Variants in DISP1 observed in about 807,000 individuals in gnomAD.
DISP1 encodes the protein dispatched RND transporter family member 1.
DISP1 carries 30 observed loss-of-function variants against 37.3 expected under a neutral mutation model. The observed-to-expected ratio is 0.80, with a 90% CI of 0.60 to 1.09. The LOEUF is 1.09. Ranked by LOEUF, DISP1 falls within the 50% of genes least tolerant of loss-of-function variation. DISP1 has a pLI of 0.00. For missense variants in DISP1, 1,598 were observed against 1,879.5 expected (o/e 0.85, Z 2.77); for synonymous variants, 634 against 690.2 (o/e 0.92, Z 1.28).
intron 1 of DISP1, among the ~76,000 whole-genome samples, chr1:222,835,642 A>C (rs1666841636): frequency 6.6e-6 from 1 of 152,192 alleles, no homozygotes; most frequent in Non-Finnish European, 1.5e-5. Context: ...ACTTTTAGGC[A>C]ACCTTAACAT....
At chr1:222,819,281 T>C (rs1240857779) in intron 1 of DISP1, among the ~76,000 whole-genome samples, 1 of 152,214 alleles carries the variant, frequency 6.6e-6, no homozygotes, top group African/African-American at 2.4e-5. Flanking sequence ...TGTGAGCCAA[T>C]TAAACCTCTT....
At chr1:222,983,228 G>A in intron 4 of DISP1, 119 bp downstream of exon 4, 1 of 865,494 alleles carries the variant, frequency 1.2e-6, no homozygotes, top group African/African-American at 1.7e-5. Flanking sequence ...TTTTATGAAA[G>A]AAAAAGAAAT....
rs534403122 is a variant in DISP1 at position 222,941,067 on chromosome 1, T to G, written c.-17-1740T>G. ...TAACAACAAAAGGGAGGTTATATTC[T>G]TCAGTAAACTGAAGCATAAATGAGC... On this transcript the variant is annotated intron_variant, in intron 2 of 8. Transcript: ENST00000675850. 2.6e-5 allele frequency among the ~76,000 whole-genome samples: 4 copies of G among 152,348 alleles called. No individual in the cohort carries two copies. The South Asian group carries it at 8.3e-4, about 32-fold the overall frequency.
At chr1:222,986,212 G>A (rs142294449) in intron 4 of DISP1, among the ~76,000 whole-genome samples, 93 of 152,218 alleles carry the variant, frequency 6.1e-4, no homozygotes, top group African/African-American at 2.2e-3. Flanking sequence ...AGCCTCTGGT[G>A]TGGGCACTGA....
At chr1:222,906,539 C>T (rs77086490) in intron 1 of DISP1, among the ~76,000 whole-genome samples, 11,946 of 152,274 alleles carry the variant, frequency 0.078, 563 homozygotes, top group East Asian at 0.24. Flanking sequence ...AAAACAGTTG[C>T]AGTAAAGAAG....
intron 1 of DISP1, among the ~76,000 whole-genome samples, chr1:222,829,421 T>G (rs1360844450): frequency 6.6e-6 from 1 of 151,964 alleles, no homozygotes; most frequent in Non-Finnish European, 1.5e-5. Flanking sequence ...AGATGGTAAC[T>G]TTACTTCATC....
At chr1:222,836,304 T>G (rs891604879) in intron 1 of DISP1, among the ~76,000 whole-genome samples, 12 of 152,220 alleles carry the variant, frequency 7.9e-5, no homozygotes, top group Non-Finnish European at 1.8e-4. Context: ...TAACATTACT[T>G]CATGAATTTT....
chr1:222,921,064 C>G (rs1316604504), intron 1 of DISP1, among the ~76,000 whole-genome samples: 1 of 152,184 alleles, frequency 6.6e-6, no homozygotes, highest in East Asian at 1.9e-4. Flanking sequence ...AATCCCAGCA[C>G]TTTGGGAGGC....
At position 223,004,462 on chromosome 1, in the gene DISP1, T is replaced by A; in HGVS notation, c.3065T>A (p.Val1022Asp). 6.2e-7 allele frequency: 1 copy of A among 1,614,254 alleles called. No individual in the cohort carries two copies. Among genetic ancestry groups the A allele is most frequent in the South Asian group, 1.1e-5 (1 of 91,080 alleles). The change falls in exon 9 of 9, where the codon GTC (valine) becomes GAC (aspartate). Residue 1022 changes from valine (V) to aspartate (D), a missense_variant. Transcript: ENST00000675850. The surrounding 1 kb of genome is among the most constrained non-coding windows in gnomAD (Gnocchi z 4.9). ...AIISIAGTIF[V>D]TVGSLVLLGW... The stretch of plus-strand genomic sequence containing the variant: ...ATTTCAATTGCTGGAACGATATTTG[T>A]CACTGTTGGTTCTCTTGTCCTGCTG...
chr1:222,887,928 AC>A (rs1238061373), intron 1 of DISP1, among the ~76,000 whole-genome samples: 5 of 152,300 alleles, frequency 3.3e-5, no homozygotes, highest in South Asian at 4.1e-4. Context: ...GCACTGCTGA[AC>A]CATTATAATT....
At chr1:222,921,216 C>T (rs924205502) in intron 1 of DISP1, among the ~76,000 whole-genome samples, 16 of 151,926 alleles carry the variant, frequency 1.1e-4, no homozygotes, top group African/African-American at 3.6e-4. Context: ...GGCTGAGGCA[C>T]GAGAATCACT....
chr1:222,981,217 TACAG>T (rs1677810448), intron 3 of DISP1, among the ~76,000 whole-genome samples: 1 of 152,242 alleles, frequency 6.6e-6, no homozygotes, highest in Non-Finnish European at 1.5e-5. Context: ...TCCTTGGTTT[TACAG>T]ACAAATACTC....
chr1:222,883,117 G>A (rs1670371520), intron 1 of DISP1, among the ~76,000 whole-genome samples: 1 of 152,058 alleles, frequency 6.6e-6, no homozygotes, highest in Non-Finnish European at 1.5e-5. Flanking sequence ...TTAAGGCTCA[G>A]ATTTGTCTGG....
intron 1 of DISP1, among the ~76,000 whole-genome samples, chr1:222,847,847 A>G (rs1341554725): frequency 3.3e-5 from 5 of 152,200 alleles, no homozygotes; most frequent in Admixed American, 6.5e-5. Context: ...GGAAGGAGCC[A>G]TGTAGAATTT....
intron 1 of DISP1, among the ~76,000 whole-genome samples, chr1:222,867,512 A>G (rs917238264): frequency 1.2e-4 from 19 of 152,284 alleles, no homozygotes; most frequent in African/African-American, 4.3e-4. Flanking sequence ...AAGGTACACA[A>G]AGGTTCTTTT....
chr1:223,004,418 C>T lies in DISP1; in HGVS notation c.3021C>T (p.Ile1007=), dbSNP rs1679727232. 1 of 1,614,204 alleles carries T rather than the reference C, an allele frequency of 6.2e-7. No individual in the cohort carries two copies. The highest frequency in any genetic ancestry group is 8.5e-7 in the Non-Finnish European group (1 of 1,180,040). ...SVMLLTTWNI[I]ISLYAIISIA... is the part of the protein sequence containing the mutation. The stretch of plus-strand genomic sequence containing the variant: ...TGCTGCTGACAACTTGGAACATCAT[C>T]ATAAGCCTTTATGCCATCATTTCAA... Residue 1007 remains isoleucine, a synonymous_variant, in exon 9 of 9, where the codon ATC becomes ATT. Transcript: ENST00000675850. This position sits in a 1 kb window ranked among gnomAD's most constrained non-coding sequence, Gnocchi z 4.9.
chr1:222,924,455 G>A (rs1013688766), intron 1 of DISP1, among the ~76,000 whole-genome samples: 2 of 152,128 alleles, frequency 1.3e-5, no homozygotes, highest in African/African-American at 4.8e-5. Flanking sequence ...GCCAGTGAGT[G>A]GTAGAGCTGA....
At chr1:222,884,094 C>G (rs1670437536) in intron 1 of DISP1, among the ~76,000 whole-genome samples, 1 of 152,138 alleles carries the variant, frequency 6.6e-6, no homozygotes, top group Non-Finnish European at 1.5e-5. Context: ...AATAAACTTC[C>G]CAAACTCCTG....
chr1:222,831,159 A>G (rs1665645095), intron 1 of DISP1: 1 of 152,212 alleles, frequency 6.6e-6, no homozygotes, highest in African/African-American at 2.4e-5. Flanking sequence ...CTTTGTGCAA[A>G]TGTGAAATAC....
Sources: gnomAD v4.1 joint callset for allele counts (sites outside exome capture counted in the v4.1 genomes callset) on GRCh38, gnomAD v4.1.1 for gene constraint, Gnocchi (gnomAD v3.1) non-coding constraint, MANE v1.5 for transcripts, NCBI Gene and HGNC (gene_info 2026-07-23, HGNC 2026-07-21) for gene names.